Variants in MICAL3 observed in about 807,000 individuals in gnomAD.
MICAL3 encodes the protein microtubule associated monooxygenase, calponin and LIM domain containing 3.
In MICAL3, 62 loss-of-function variants were observed where a neutral mutation model predicts 207.4. The observed-to-expected ratio is 0.30, with a 90% CI of 0.24 to 0.37. MICAL3 has a LOEUF of 0.37. Among genes scored for constraint, MICAL3 ranks in the 10% least tolerant of loss-of-function variants. The probability of loss-of-function intolerance (pLI) is 1.00; values close to 1 mark genes in which losing one functional copy is unlikely to be tolerated. For missense variants in MICAL3, 2,368 were observed against 2,635.6 expected (o/e 0.90, Z 2.22); for synonymous variants, 1,077 against 1,069.3 (o/e 1.01, Z -0.14).
At position 17,788,533 on chromosome 22, in the gene MICAL3, T is replaced by C. The variant is rs566848144; in HGVS notation, c.*2199A>G. On this transcript the variant is annotated 3_prime_UTR_variant, in exon 32 of 32. Coordinates refer to ENST00000441493, the MANE Select transcript of MICAL3 (RefSeq NM_015241.3). ...GTTTTGTGGCATTCGAGGAGAGGTC[T>C]GGGAAAGGCCACGCAGGCAGTGAAG... The C allele has an allele frequency of 6.6e-6, 1 of 152,392 alleles. No homozygotes were observed. The highest frequency in any genetic ancestry group is 1.9e-4 in the East Asian group (1 of 5,176). The allele number at this position is 152,392 out of a possible 1,614,324, so 9.4% of individuals were successfully genotyped here. A position where few individuals can be genotyped will look rare whatever the true frequency, so the allele number is the denominator to read the frequency against.
intron 1 of MICAL3, among the ~76,000 whole-genome samples, chr22:17,997,162 C>T (rs1019027009): frequency 6.7e-6 from 1 of 150,298 alleles, no homozygotes; most frequent in Non-Finnish European, 1.5e-5. Flanking sequence ...CTCCTGAGCG[C>T]AGGCAATCCT....
intron 1 of MICAL3, among the ~76,000 whole-genome samples, chr22:17,971,619 G>C (rs183471865): frequency 2.6e-5 from 4 of 152,300 alleles, no homozygotes; most frequent in African/African-American, 9.6e-5. Context: ...GCTAAGCACA[G>C]AATGTGAACA....
At chr22:17,912,042 G>C (rs1400713234) in intron 1 of MICAL3, among the ~76,000 whole-genome samples, 14 of 152,066 alleles carry the variant, frequency 9.2e-5, no homozygotes, top group Non-Finnish European at 1.9e-4. Flanking sequence ...TAAGTGAGGT[G>C]CATGAGGCTG....
intron 1 of MICAL3, among the ~76,000 whole-genome samples, chr22:17,962,462 G>C (rs1209282462): frequency 1.3e-5 from 2 of 152,176 alleles, no homozygotes; most frequent in Non-Finnish European, 2.9e-5. Flanking sequence ...GCTGGTGTGG[G>C]ACCTGGGAGG....
At chr22:17,944,570 CAA>C (rs1933968243) in intron 1 of MICAL3, among the ~76,000 whole-genome samples, 1 of 152,192 alleles carries the variant, frequency 6.6e-6, no homozygotes, top group Non-Finnish European at 1.5e-5. Flanking sequence ...ACATTCCATG[CAA>C]AGTTTCGGTG....
At position 18,020,613 on chromosome 22, in the gene MICAL3, T is replaced by TAAAAAAAAAAAAAA. The variant is rs55654559; in HGVS notation, c.-75+3654_-75+3667dup. Among the ~76,000 whole-genome samples, 25 of 119,674 alleles carry TAAAAAAAAAAAAAA rather than the reference T, an allele frequency of 2.1e-4. 1 individual carries two copies. Among genetic ancestry groups the TAAAAAAAAAAAAAA allele is most frequent in the African/African-American group, 3.6e-4 (11 of 30,202 alleles). 78.5% of individuals were successfully genotyped at this position (119,674 alleles called of 152,430 possible). On this transcript the variant is annotated intron_variant, in intron 1 of 31. Coordinates refer to ENST00000441493, the MANE Select transcript of MICAL3 (RefSeq NM_015241.3). Reference sequence around the variant, plus strand: ...AAAATGGCTGTAAACCTTTAAAAAGTAAAAAAAAAAAAAAAAAAATAGGCT... The same window carrying TAAAAAAAAAAAAAA: ...AAAATGGCTGTAAACCTTTAAAAAGTAAAAAAAAAAAAAAAAAAAAAAAAAAAAAAAAATAGGCT...
At position 17,888,136 on chromosome 22, in the gene MICAL3, G is replaced by T. The variant is rs5747393; in HGVS notation, c.1892-701C>A. 2.2e-3 allele frequency among the ~76,000 whole-genome samples: 338 copies of T among 152,102 alleles called. 1 individual carries two copies. In the East Asian group the frequency reaches 0.024, roughly 11 times the overall value. On this transcript the variant is annotated intron_variant, in intron 13 of 31. Coordinates refer to ENST00000441493, the MANE Select transcript of MICAL3 (RefSeq NM_015241.3). ...TTCCACTGGCCAAACATCCTTCTTG[G>T]CACATCACAATGTAATTATACATAT...
At chr22:17,877,727 A>G (rs1469227108) in intron 16 of MICAL3, among the ~76,000 whole-genome samples, 1 of 152,064 alleles carries the variant, frequency 6.6e-6, no homozygotes, top group Non-Finnish European at 1.5e-5. Context: ...ACATCTCTGC[A>G]AGCCTTATTG....
At chr22:17,886,097 T>TC (rs1929845887) in intron 15 of MICAL3, 46 bp from the exon 16 acceptor site, 2 of 1,600,742 alleles carry the variant, frequency 1.2e-6, no homozygotes, top group Non-Finnish European at 1.7e-6. Flanking sequence ...GACAGGAGGC[T>TC]CCCCCCATGC....
At chr22:17,807,864 C>T (rs2062003902) in intron 29 of MICAL3, among the ~76,000 whole-genome samples, 1 of 152,248 alleles carries the variant, frequency 6.6e-6, no homozygotes, top group Non-Finnish European at 1.5e-5. Flanking sequence ...CTGCTCCCCT[C>T]TGCCACACTA....
At chr22:17,864,719 A>G (rs753379866) in intron 19 of MICAL3, 180 bp downstream of exon 19, 2 of 1,613,412 alleles carry the variant, frequency 1.2e-6, no homozygotes, top group South Asian at 1.1e-5. Context: ...GACAGGCCAT[A>G]GAGAAAGGGG....
At chr22:17,809,023 C>T in intron 28 of MICAL3, 86 bp from the exon 29 acceptor site, 1 of 1,227,754 alleles carries the variant, frequency 8.1e-7, no homozygotes, top group Non-Finnish European at 1.2e-6. Context: ...CGAGGGGAAA[C>T]ACAGGAGTTG....
intron 10 of MICAL3, 124 bp downstream of exon 10, chr22:17,895,160 C>G (rs1316795925): frequency 1.0e-6 from 1 of 967,248 alleles, no homozygotes; most frequent in African/African-American, 1.6e-5. Context: ...GAGACATCTA[C>G]CTGGATGACT....
rs753577157 is a variant in MICAL3 at position 17,818,901 on chromosome 22, G to C, written c.3760C>G (p.Pro1254Ala). Residue 1254 changes from proline to alanine, a missense_variant, in exon 26 of 32, where the codon CCA (proline) becomes GCA (alanine). Pro to Ala is a conservative substitution (Grantham distance 27, BLOSUM62 -1). Around this residue, in one of 4 missense-constraint regions of MICAL3, gnomAD observed 1,770 missense variants for 1,863.2 expected, o/e 0.95. Coordinates refer to ENST00000441493, the MANE Select transcript of MICAL3 (RefSeq NM_015241.3). Reference sequence around the variant, plus strand: ...GAGCAGATGGGGAGTGGGCTGGGTGGGGGCGTGGAGGCCGCCACGGGTGGC... The same window carrying C: ...GAGCAGATGGGGAGTGGGCTGGGTGCGGGCGTGGAGGCCGCCACGGGTGGC... ...PQPPVAASTP[P>A]PSPLPICSQP... 21 of 1,561,622 alleles carry C rather than the reference G, an allele frequency of 1.3e-5. No individual in the cohort carries two copies. Among genetic ancestry groups the C allele is most frequent in the Non-Finnish European group, 1.6e-5 (19 of 1,153,220 alleles).
At chr22:17,860,124 G>T in intron 19 of MICAL3, 1 of 927,614 alleles carries the variant, frequency 1.1e-6, no homozygotes, top group Non-Finnish European at 1.3e-6. Context: ...CTCTGGTCAA[G>T]AGAAAGGGAA....
intron 1 of MICAL3, among the ~76,000 whole-genome samples, chr22:17,969,333 C>A (rs1317580462): frequency 6.6e-6 from 1 of 152,242 alleles, no homozygotes; most frequent in Non-Finnish European, 1.5e-5. Flanking sequence ...GCCACTGCAC[C>A]CGGCCAAATG....
intron 19 of MICAL3, chr22:17,863,380 G>T: frequency 3.0e-6 from 3 of 985,276 alleles, no homozygotes; most frequent in Non-Finnish European, 3.6e-6. Context: ...CCAACTGAAT[G>T]TACATTCTAT....
At chr22:17,984,519 C>T (rs528760220) in intron 1 of MICAL3, among the ~76,000 whole-genome samples, 12 of 152,230 alleles carry the variant, frequency 7.9e-5, no homozygotes, top group African/African-American at 2.2e-4. Flanking sequence ...TGCTCCCTGA[C>T]GCCTTCCCAG....
intron 1 of MICAL3, among the ~76,000 whole-genome samples, chr22:17,912,922 T>A (rs114157110): frequency 3.9e-5 from 6 of 152,244 alleles, no homozygotes; most frequent in African/African-American, 1.4e-4. Flanking sequence ...GAGGAAAAGC[T>A]TTCTGTCTCT....
Sources: gnomAD v4.1 joint callset for allele counts (sites outside exome capture counted in the v4.1 genomes callset) on GRCh38, gnomAD v4.1.1 for gene constraint, gnomAD v4.1.1 regional missense constraint, MANE v1.5 for transcripts, NCBI Gene and HGNC (gene_info 2026-07-23, HGNC 2026-07-21) for gene names.